Variants in GSG1L observed in about 807,000 individuals in gnomAD.
The protein encoded by GSG1L is germ cell-specific gene 1-like protein.
GSG1L carries 24 observed loss-of-function variants against 42.1 expected under a neutral mutation model. The observed-to-expected ratio is 0.57, with a 90% CI of 0.41 to 0.80. The LOEUF (loss-of-function observed/expected upper bound fraction) is 0.80. Among genes scored for constraint, GSG1L ranks in the 30% least tolerant of loss-of-function variants. The pLI is 0.00. For synonymous variants in GSG1L, 215 were observed against 203.5 expected (o/e 1.06, Z -0.48); for missense variants, 445 against 472.2 (o/e 0.94, Z 0.53).
chr16:27,978,892 T>A (rs549602653), intron 1 of GSG1L, among the ~76,000 whole-genome samples: 17 of 152,122 alleles, frequency 1.1e-4, no homozygotes, highest in African/African-American at 3.9e-4. Flanking sequence ...AAACAAGACA[T>A]CTTCAGTTAG....
chr16:27,909,390 T>C lies in GSG1L; in HGVS notation c.398-24752A>G, dbSNP rs553402971. On this transcript the variant is annotated intron_variant, in intron 2 of 6. Transcript: ENST00000447459. ...TTTCTTTCTTCTTTTTCTTTTTTTT[T>C]TTTTTTTTGACAGGGTTTCACTCTG... is the stretch of plus-strand genomic sequence containing the variant. Among the ~76,000 whole-genome samples the C allele has an allele frequency of 3.4e-5, 5 of 147,182 alleles. No individual in the cohort carries two copies. In the East Asian group the frequency reaches 5.8e-4, roughly 17 times the overall value.
intron 2 of GSG1L, among the ~76,000 whole-genome samples, chr16:27,952,300 C>T (rs1208528441): frequency 6.6e-6 from 1 of 152,226 alleles, no homozygotes; most frequent in African/African-American, 2.4e-5. Flanking sequence ...GAGTATCCAG[C>T]CTGCTGGAGG....
chr16:27,797,173 C>G (rs528250876), intron 6 of GSG1L, among the ~76,000 whole-genome samples: 4 of 152,276 alleles, frequency 2.6e-5, no homozygotes, highest in Admixed American at 2.6e-4. Flanking sequence ...AGCTTCACTC[C>G]AAAGGTTGGG....
intron 1 of GSG1L, among the ~76,000 whole-genome samples, chr16:27,987,987 C>T (rs938682450): frequency 1.3e-5 from 2 of 148,624 alleles, no homozygotes; most frequent in Non-Finnish European, 3.0e-5. Context: ...ATAATCGTGT[C>T]ATAGTTTCAA....
chr16:27,911,053 G>C (rs1208761570), intron 2 of GSG1L, among the ~76,000 whole-genome samples: 1 of 151,920 alleles, frequency 6.6e-6, no homozygotes, highest in Non-Finnish European at 1.5e-5. Flanking sequence ...AAAAATTCCA[G>C]TTCCCTGCCC....
At chr16:27,986,614 T>C (rs546369489) in intron 1 of GSG1L, among the ~76,000 whole-genome samples, 15 of 151,904 alleles carry the variant, frequency 9.9e-5, no homozygotes, top group Non-Finnish European at 2.1e-4. Context: ...GATCACAAAG[T>C]GACTTACTGG....
intron 2 of GSG1L, among the ~76,000 whole-genome samples, chr16:27,959,303 C>T (rs1327025487): frequency 7.6e-6 from 1 of 131,176 alleles, no homozygotes; most frequent in Non-Finnish European, 1.6e-5. Flanking sequence ...ACTAATAATA[C>T]AAAAAAAAAA....
chr16:27,791,727 C>G (rs573239877), intron 6 of GSG1L, among the ~76,000 whole-genome samples: 1 of 152,164 alleles, frequency 6.6e-6, no homozygotes, highest in African/African-American at 2.4e-5. Flanking sequence ...CTGCCATCCA[C>G]TTATCAAGCC....
intron 5 of GSG1L, among the ~76,000 whole-genome samples, chr16:27,827,270 AG>A (rs2083220672): frequency 6.6e-6 from 1 of 152,180 alleles, no homozygotes; most frequent in Non-Finnish European, 1.5e-5. Flanking sequence ...CTGGGAGCAT[AG>A]GGACCCCAGG....
At chr16:27,944,667 T>TAA (rs2084842925) in intron 2 of GSG1L, among the ~76,000 whole-genome samples, 1 of 150,904 alleles carries the variant, frequency 6.6e-6, no homozygotes, top group Admixed American at 6.6e-5. Flanking sequence ...ACCCACCACA[T>TAA]TATGAATGAA....
chr16:28,016,498 T>G (rs2085782211), intron 1 of GSG1L, among the ~76,000 whole-genome samples: 1 of 152,186 alleles, frequency 6.6e-6, no homozygotes, highest in East Asian at 1.9e-4. Context: ...TGGAGCTTAG[T>G]GCAATCTTCC....
intron 5 of GSG1L, among the ~76,000 whole-genome samples, chr16:27,815,274 A>G (rs1436803539): frequency 6.6e-6 from 1 of 152,146 alleles, no homozygotes; most frequent in African/African-American, 2.4e-5. Flanking sequence ...TCATTAGTTC[A>G]GGAGAGAGCT....
rs1156797545 is a variant in GSG1L, at chr16:27,849,430, A to G, written c.551-4369T>C. 2.0e-5 allele frequency among the ~76,000 whole-genome samples: 3 copies of G among 152,168 alleles called. No homozygotes were observed. The East Asian group carries it at 5.8e-4, about 29-fold the overall frequency. ...TTACTGTGTGGAGACAGTGATTGTA[A>G]GGGGAGGAGGTAAGCCCGGCTGACA... is the stretch of plus-strand genomic sequence containing the variant. On this transcript the variant is annotated intron_variant, in intron 3 of 6. Transcript: ENST00000447459.
At position 27,995,992 on chromosome 16, in the gene GSG1L, G is replaced by T. The variant is rs140912741; in HGVS notation, c.350-32789C>A. On this transcript the variant is annotated intron_variant, in intron 1 of 6. Transcript: ENST00000447459. Reference sequence around the variant, plus strand: ...AGATGGGAGGATTGCTTGAGCCCAGGAGTTTGAGACCAGCCTCGGCAACAT... The same window carrying T: ...AGATGGGAGGATTGCTTGAGCCCAGTAGTTTGAGACCAGCCTCGGCAACAT... Among the ~76,000 whole-genome samples, 257 of 152,134 alleles carry T rather than the reference G, an allele frequency of 1.7e-3. 1 individual carries two copies. The highest frequency in any genetic ancestry group is 5.2e-3 in the African/African-American group (217 of 41,520).
rs539130878 is a variant in GSG1L at position 27,963,167 on chromosome 16, G to A, written c.386C>T (p.Ala129Val). Residue 129 changes from alanine to valine, a missense_variant, in exon 2 of 7, where the codon GCA becomes GTA. This residue lies in a region of GSG1L where 149 missense variants were observed against 223.3 expected (regional missense o/e 0.67). Coordinates refer to ENST00000447459, the MANE Select transcript of GSG1L (RefSeq NM_001109763.2). The part of the protein sequence containing the change: ...KCRSFIDLAP[A>V]SEKGVLWLSV... ...GGGGTCACACTCACCTTTCTCCGAT[G>A]CCGGGGCCAGGTCAATGAAGCTGCG... The A allele has an allele frequency of 1.9e-6, 3 of 1,613,696 alleles. No individual in the cohort carries two copies. The highest frequency in any genetic ancestry group is 1.7e-6 in the Non-Finnish European group (2 of 1,179,624).
intron 3 of GSG1L, among the ~76,000 whole-genome samples, chr16:27,856,059 T>C (rs989410106): frequency 6.6e-6 from 1 of 152,102 alleles, no homozygotes; most frequent in East Asian, 1.9e-4. Flanking sequence ...CTACTGACAT[T>C]TGGGGACAGA....
intron 2 of GSG1L, among the ~76,000 whole-genome samples, chr16:27,885,071 G>A (rs2084011562): frequency 6.6e-6 from 1 of 152,164 alleles, no homozygotes. Flanking sequence ...ATAAACTGCT[G>A]TATTGTTAGG....
intron 5 of GSG1L, among the ~76,000 whole-genome samples, chr16:27,824,502 T>G (rs1181645099): frequency 1.3e-5 from 2 of 149,064 alleles, no homozygotes; most frequent in Non-Finnish European, 3.0e-5. Flanking sequence ...CCTGCAAACC[T>G]ATGCAGACAT....
chr16:28,044,151 T>C (rs1003718353), intron 1 of GSG1L, among the ~76,000 whole-genome samples: 1 of 151,156 alleles, frequency 6.6e-6, no homozygotes, highest in African/African-American at 2.4e-5. Context: ...TCGAGGCAGG[T>C]GGACTGCCTG....
Sources: allele counts gnomAD v4.1 joint callset (sites outside exome capture counted in the v4.1 genomes callset), GRCh38; gene constraint gnomAD v4.1.1; regional missense constraint gnomAD v4.1.1; transcripts MANE v1.5; gene names NCBI Gene and HGNC (gene_info 2026-07-23, HGNC 2026-07-21).